MCTP1: variants seen among roughly 807,000 people sequenced by gnomAD.
The protein encoded by MCTP1 is multiple C2 and transmembrane domain containing 1.
MCTP1 carries 69 observed loss-of-function variants against 120.6 expected under a neutral mutation model. The observed-to-expected ratio is 0.57, with a 90% confidence interval of 0.47 to 0.70. The LOEUF (loss-of-function observed/expected upper bound fraction) is 0.70, where lower values mean the gene tolerates loss of function less well. Among genes scored for constraint, MCTP1 ranks in the 30% least tolerant of loss-of-function variants. The pLI, the probability that MCTP1 is intolerant of heterozygous loss-of-function variation, is 0.00. For missense variants in MCTP1, 1,203 were observed against 1,248.8 expected (o/e 0.96, Z 0.55); for synonymous variants, 529 against 493.1 (o/e 1.07, Z -0.96).
intron 1 of MCTP1, among the ~76,000 whole-genome samples, chr5:95,102,206 T>C (rs1756785697): frequency 6.6e-6 from 1 of 152,152 alleles, no homozygotes; most frequent in African/African-American, 2.4e-5. Context: ...GTTAATGCTC[T>C]TGAAAACTTG....
Position 94,967,520 on chromosome 5 carries a change from G to T in MCTP1, c.839-14159C>A, listed in dbSNP as rs145103269. Among the ~76,000 whole-genome samples, 251 of 152,180 alleles carry T rather than the reference G, an allele frequency of 1.6e-3. 1 individual carries two copies. The highest frequency in any genetic ancestry group is 5.8e-3 in the African/African-American group (239 of 41,510). On this transcript the variant is annotated intron_variant, in intron 2 of 22. Coordinates refer to ENST00000515393, the MANE Select transcript of MCTP1 (RefSeq NM_024717.7). The stretch of plus-strand genomic sequence containing the variant: ...TCCAAACACAACACTTCTCATGCTG[G>T]GTGTCATATCCCTGATGACACTGTA...
intron 19 of MCTP1, among the ~76,000 whole-genome samples, chr5:94,731,328 T>A (rs1763093338): frequency 6.6e-6 from 1 of 152,212 alleles, no homozygotes; most frequent in African/African-American, 2.4e-5. Context: ...AAGGTTTGTG[T>A]ATTTCTTCTT....
intron 1 of MCTP1, among the ~76,000 whole-genome samples, chr5:95,043,432 C>T (rs1190772342): frequency 6.6e-6 from 1 of 152,072 alleles, no homozygotes; most frequent in Non-Finnish European, 1.5e-5. Context: ...TCTTGAAGCC[C>T]ATGTGACTTC....
At chr5:94,740,037 A>G (rs1260959520) in intron 19 of MCTP1, among the ~76,000 whole-genome samples, 1 of 152,224 alleles carries the variant, frequency 6.6e-6, no homozygotes, top group Non-Finnish European at 1.5e-5. Context: ...TGCTACAGTA[A>G]TTACTTGCCA....
intron 19 of MCTP1, among the ~76,000 whole-genome samples, chr5:94,745,356 CTGT>C (rs1487404109): frequency 6.6e-6 from 1 of 152,192 alleles, no homozygotes; most frequent in African/African-American, 2.4e-5. Context: ...ACTGGCTTTC[CTGT>C]TCTCTTACAG....
At chr5:94,735,708 T>C (rs903863359) in intron 19 of MCTP1, among the ~76,000 whole-genome samples, 1 of 152,240 alleles carries the variant, frequency 6.6e-6, no homozygotes, top group Non-Finnish European at 1.5e-5. Flanking sequence ...AGGAAGGTCA[T>C]GAATAACTTC....
At chr5:95,254,490 T>A (rs1439167458) in intron 1 of MCTP1, among the ~76,000 whole-genome samples, 1 of 152,136 alleles carries the variant, frequency 6.6e-6, no homozygotes, top group African/African-American at 2.4e-5. Flanking sequence ...ACCCACAAGC[T>A]TAACAGTTAA....
chr5:94,873,658 A>G (rs942101956), intron 12 of MCTP1, among the ~76,000 whole-genome samples: 4 of 151,992 alleles, frequency 2.6e-5, no homozygotes, highest in African/African-American at 7.2e-5. Context: ...AACTCATCTG[A>G]TTCACTATTA....
At chr5:94,747,308 CTG>C (rs1767131451) in intron 19 of MCTP1, among the ~76,000 whole-genome samples, 1 of 152,116 alleles carries the variant, frequency 6.6e-6, no homozygotes, top group Non-Finnish European at 1.5e-5. Flanking sequence ...TATGTAGAAA[CTG>C]TATTAAGAAC....
intron 1 of MCTP1, among the ~76,000 whole-genome samples, chr5:95,271,750 A>ATG (rs1759422699): frequency 6.6e-6 from 1 of 151,758 alleles, no homozygotes; most frequent in Non-Finnish European, 1.5e-5. Context: ...ATAATTAATT[A>ATG]CAAAACATTA....
At chr5:95,021,992 T>C (rs1416904485) in intron 1 of MCTP1, among the ~76,000 whole-genome samples, 2 of 152,190 alleles carry the variant, frequency 1.3e-5, no homozygotes, top group East Asian at 3.9e-4. Flanking sequence ...AATAAGATCA[T>C]ACAGAATTTT....
At position 95,253,518 on chromosome 5, in the gene MCTP1, C is replaced by T. The variant is rs577339883; in HGVS notation, c.720+30338G>A. ...CAGTACACACAGCTATATTATGTAC[C>T]CCCTTATATTAACCTTCCACAGTGA... On this transcript the variant is annotated intron_variant, in intron 1 of 22. Transcript: ENST00000515393. Among the ~76,000 whole-genome samples the T allele has an allele frequency of 3.3e-4, 50 of 151,994 alleles. 1 individual carries two copies. The South Asian group carries it at 8.7e-3, about 27-fold the overall frequency.
chr5:94,928,220 A>T (rs896504079), intron 6 of MCTP1, among the ~76,000 whole-genome samples: 5 of 114,008 alleles, frequency 4.4e-5, no homozygotes, highest in Non-Finnish European at 7.8e-5. Flanking sequence ...ACACACACAC[A>T]CACACACACA....
At chr5:94,851,710 C>T (rs1055748132) in intron 17 of MCTP1, among the ~76,000 whole-genome samples, 4 of 151,802 alleles carry the variant, frequency 2.6e-5, no homozygotes, top group African/African-American at 9.7e-5. Context: ...ATAACAAAAT[C>T]GTCAAAGAAA....
chr5:94,925,742 G>T (rs1812929791), intron 6 of MCTP1, among the ~76,000 whole-genome samples: 1 of 152,086 alleles, frequency 6.6e-6, no homozygotes, highest in African/African-American at 2.4e-5. Context: ...AAAGTATAAA[G>T]TACCAGCAAA....
At position 94,932,032 on chromosome 5, in the gene MCTP1, A is replaced by G. The variant is rs745817868; in HGVS notation, c.1174-41T>C. Reference sequence around the variant, plus strand: ...AGCATTTTCATTATCTTTTCACTCAAGAACAGAATAGGGCAGCCAGTTGTT... The same window carrying G: ...AGCATTTTCATTATCTTTTCACTCAGGAACAGAATAGGGCAGCCAGTTGTT... On this transcript the variant is annotated intron_variant, in intron 5 of 22. Coordinates refer to ENST00000515393, the MANE Select transcript of MCTP1 (RefSeq NM_024717.7). 3 of 1,379,344 alleles carry G rather than the reference A, an allele frequency of 2.2e-6. No individual in the cohort carries two copies. The African/African-American group carries it at 4.3e-5, about 20-fold the overall frequency. The allele number at this position is 1,379,344 out of a possible 1,614,324, so 85.4% of individuals were successfully genotyped here. A position where few individuals can be genotyped will look rare whatever the true frequency, so the allele number is the denominator to read the frequency against.
intron 1 of MCTP1, among the ~76,000 whole-genome samples, chr5:95,064,983 T>C (rs1164584839): frequency 1.3e-5 from 2 of 152,198 alleles, no homozygotes; most frequent in Non-Finnish European, 2.9e-5. Flanking sequence ...CTGGACATTA[T>C]ATCATGTTTC....
chr5:95,133,159 T>C (rs573604633), intron 1 of MCTP1, among the ~76,000 whole-genome samples: 2 of 152,270 alleles, frequency 1.3e-5, no homozygotes, highest in African/African-American at 4.8e-5. Context: ...AAATGCCCAT[T>C]AGAAAAATAT....
At chr5:95,071,939 A>G (rs1738690431) in intron 1 of MCTP1, among the ~76,000 whole-genome samples, 1 of 152,240 alleles carries the variant, frequency 6.6e-6, no homozygotes, top group Non-Finnish European at 1.5e-5. Context: ...AAATATATAC[A>G]TGTAAAAGTC....
Sources: allele counts gnomAD v4.1 joint callset (sites outside exome capture counted in the v4.1 genomes callset), GRCh38; gene constraint gnomAD v4.1.1; transcripts MANE v1.5; gene names NCBI Gene and HGNC (gene_info 2026-07-23, HGNC 2026-07-21).